Variants in PHKA1 observed in about 807,000 individuals in gnomAD.
PHKA1 encodes phosphorylase kinase regulatory subunit alpha 1.
PHKA1 carries 60 observed loss-of-function variants against 110.2 expected under a neutral mutation model. The observed-to-expected ratio is 0.54, with a 90% CI of 0.44 to 0.68. The LOEUF is 0.68. PHKA1 is among the 30% of genes least tolerant of loss of function. The pLI is 0.00. For synonymous variants in PHKA1, 316 were observed against 333.6 expected, an observed-to-expected ratio of 0.95 and a Z score of 0.58; for missense variants, 801 against 942.5, an observed-to-expected ratio of 0.85 and a Z score of 1.97.
At chrX:72,586,739 G>T (rs948758475) in intron 29 of PHKA1, among the ~76,000 whole-genome samples, 3 of 110,204 alleles carry the variant, frequency 2.7e-5, no homozygotes, top group Non-Finnish European at 5.7e-5. Context: ...GACCTTAAGT[G>T]ACCTGATGGA....
intron 25 of PHKA1, among the ~76,000 whole-genome samples, chrX:72,604,422 G>A (rs781858561): frequency 9.0e-6 from 1 of 111,438 alleles, no homozygotes; most frequent in South Asian, 3.7e-4. Flanking sequence ...GCATATGGTA[G>A]GTATAAAACA....
intron 12 of PHKA1, 32 bp downstream of exon 12, chrX:72,652,512 A>G: frequency 1.2e-6 from 1 of 825,280 alleles, no homozygotes; most frequent in East Asian, 3.1e-5. Flanking sequence ...TAAGGCAGAA[A>G]AAAGTGGGAC....
intron 22 of PHKA1, among the ~76,000 whole-genome samples, chrX:72,610,426 T>C (rs1466501325): frequency 1.8e-5 from 2 of 111,819 alleles, no homozygotes; most frequent in Admixed American, 1.9e-4. Flanking sequence ...TCCAGTTCCA[T>C]TCATGTTACT....
chrX:72,697,319 G>T (rs182722683), intron 3 of PHKA1: 32 of 111,627 alleles, frequency 2.9e-4, no homozygotes, highest in African/African-American at 9.5e-4. Context: ...CATAGAATTT[G>T]TGTGATGATT....
intron 4 of PHKA1, among the ~76,000 whole-genome samples, chrX:72,694,421 C>T (rs1556325583): frequency 1.8e-5 from 2 of 112,045 alleles, no homozygotes; most frequent in Middle Eastern, 4.2e-3. Flanking sequence ...GCATGGTACA[C>T]AGGCCCTCGA....
intron 16 of PHKA1, among the ~76,000 whole-genome samples, chrX:72,627,811 CTTTTTTTTTTTTTTT>C (rs1160541868): frequency 1.5e-5 from 1 of 67,869 alleles, no homozygotes; most frequent in East Asian, 4.2e-4. Context: ...TTTTCCTACA[CTTTTTTTTTTTTTTT>C]TTTTTTTTTG....
At position 72,619,211 on chromosome X, in the gene PHKA1, T is replaced by G. The variant is rs1193535195; in HGVS notation, c.2229+3A>C. 1 of 1,139,111 alleles carries G rather than the reference T, an allele frequency of 8.8e-7. No individual in the cohort carries two copies. Among genetic ancestry groups the G allele is most frequent in the East Asian group, 3.0e-5 (1 of 33,505 alleles). 93.9% of individuals were successfully genotyped at this position (1,139,111 alleles called of 1,213,427 possible). On this transcript the variant is annotated splice_donor_region_variant and intron_variant, in intron 20 of 31. Transcript: ENST00000373542. ...AATAGAAATACCTCCTGCACAAATTTACCTGGTTCTCCTGTCGGGGATGAG... is the reference window on the plus strand; with the variant it reads ...AATAGAAATACCTCCTGCACAAATTGACCTGGTTCTCCTGTCGGGGATGAG...
rs2053540143 is a variant in PHKA1, at chrX:72,659,878, G to A, written c.865-2237C>T. ...GCTGTTGTACCTTGAAAGCAGCCAT[G>A]GACAATATGTAAATACACCATGGTT... is the stretch of plus-strand genomic sequence containing the variant. On this transcript the variant is annotated intron_variant, in intron 8 of 31. Coordinates refer to ENST00000373542, the MANE Select transcript of PHKA1 (RefSeq NM_002637.4). Among the ~76,000 whole-genome samples, 3 of 112,017 alleles carry A rather than the reference G, an allele frequency of 2.7e-5. No homozygotes were observed. The South Asian group carries it at 1.1e-3, about 42-fold the overall frequency.
intron 12 of PHKA1, among the ~76,000 whole-genome samples, chrX:72,651,203 T>A (rs1010833971): frequency 9.0e-6 from 1 of 111,560 alleles, no homozygotes; most frequent in Admixed American, 9.5e-5. Context: ...GTTTCTGCCC[T>A]TTATGAAATG....
At chrX:72,696,139 T>C (rs2054107526) in intron 3 of PHKA1, among the ~76,000 whole-genome samples, 1 of 112,128 alleles carries the variant, frequency 8.9e-6, no homozygotes, top group Non-Finnish European at 1.9e-5. Flanking sequence ...TCATTGCCTC[T>C]TGTTTACTCT....
At chrX:72,621,568 T>C (rs967002837) in intron 18 of PHKA1, among the ~76,000 whole-genome samples, 1 of 111,897 alleles carries the variant, frequency 8.9e-6, no homozygotes, top group Non-Finnish European at 1.9e-5. Context: ...ACAAGGTTTA[T>C]AGTTAGAAAA....
In PHKA1 at chrX:72,620,903, T is replaced by G; in HGVS notation, c.1961-2A>C. 1 of 1,209,965 alleles carries G rather than the reference T, an allele frequency of 8.3e-7. No individual in the cohort carries two copies. The highest frequency in any genetic ancestry group is 1.1e-6 in the Non-Finnish European group (1 of 894,670). On this transcript the variant is annotated splice_acceptor_variant, in intron 18 of 31. Coordinates refer to ENST00000373542, the MANE Select transcript of PHKA1 (RefSeq NM_002637.4). LOFTEE classifies it high-confidence loss of function. ...GAGCAACTTCATCACCACAGCGAGC[T>G]GCAAGGTTAGTGGGGGGAGGGGGAA... is the stretch of plus-strand genomic sequence containing the variant.
At chrX:72,701,889 C>T (rs1488225061) in intron 3 of PHKA1, among the ~76,000 whole-genome samples, 3 of 111,531 alleles carry the variant, frequency 2.7e-5, no homozygotes, top group Non-Finnish European at 5.7e-5. Context: ...AAGGGGAAAC[C>T]GGAGAGAGAA....
intron 3 of PHKA1, among the ~76,000 whole-genome samples, chrX:72,697,430 G>T (rs1477429202): frequency 9.1e-6 from 1 of 110,205 alleles, no homozygotes; most frequent in African/African-American, 3.3e-5. Context: ...TTAATTAAAA[G>T]GTTAACATCC....
chrX:72,684,369 C>T, intron 5 of PHKA1, 129 bp downstream of exon 5: 1 of 494,890 alleles, frequency 2.0e-6, no homozygotes, highest in South Asian at 2.9e-5. Flanking sequence ...AGGCTAAAGA[C>T]AATTTCTGCC....
intron 29 of PHKA1, 67 bp from the exon 30 acceptor site, chrX:72,584,369 G>A: frequency 1.0e-6 from 1 of 976,947 alleles, no homozygotes; most frequent in Admixed American, 2.2e-5. Context: ...ACAACGGGGA[G>A]GCTATGAGGA....
At chrX:72,644,242 T>C in intron 14 of PHKA1, 120 bp downstream of exon 14, 1 of 827,100 alleles carries the variant, frequency 1.2e-6, no homozygotes, top group Non-Finnish European at 1.8e-6. Flanking sequence ...CTAGAGACTC[T>C]AAATTCCTTC....
At position 72,713,937 on chromosome X, in the gene PHKA1, G is replaced by T. The variant is rs782238397; in HGVS notation, c.-57C>A. The T allele has an allele frequency of 3.4e-6, 3 of 886,834 alleles. No individual in the cohort carries two copies. Among genetic ancestry groups the T allele is most frequent in the Non-Finnish European group, 4.9e-6 (3 of 607,123 alleles). The allele number at this position is 886,834 out of a possible 1,213,427, so 73.1% of individuals were successfully genotyped here. On this transcript the variant is annotated 5_prime_UTR_variant, in exon 1 of 32. Transcript: ENST00000373542. ...TAGCCCGGGTGCCACCGGAGCCTTC[G>T]GTCCCTAAGGAACAAGTATCCAACG... is the stretch of plus-strand genomic sequence containing the variant.
At chrX:72,605,198 C>T (rs2052710438) in intron 25 of PHKA1, 73 bp downstream of exon 25, 1 of 984,169 alleles carries the variant, frequency 1.0e-6, no homozygotes, top group Non-Finnish European at 1.4e-6. Flanking sequence ...AGCTTTCTTT[C>T]TTTCCTTATT....
Sources: gnomAD v4.1 joint callset for allele counts (sites outside exome capture counted in the v4.1 genomes callset) on GRCh38, gnomAD v4.1.1 for gene constraint, MANE v1.5 for transcripts, NCBI Gene and HGNC (gene_info 2026-07-23, HGNC 2026-07-21) for gene names.